Variants in ZBTB16 observed in about 807,000 individuals in gnomAD.
ZBTB16 encodes zinc finger and BTB domain containing 16.
Under a neutral mutation model 56.8 loss-of-function variants are expected in ZBTB16, and 8 were observed. The ratio of observed to expected loss-of-function variants is 0.14; its 90% CI spans 0.08 to 0.25. The LOEUF is 0.25. ZBTB16 is among the 10% of genes least tolerant of loss of function. The pLI is 1.00. For missense variants in ZBTB16, 625 were observed against 903.0 expected (o/e 0.69, Z 3.95); for synonymous variants, 363 against 368.5 (o/e 0.98, Z 0.17).
At chr11:114,084,277 C>T (rs1161421760) in intron 2 of ZBTB16, among the ~76,000 whole-genome samples, 1 of 152,094 alleles carries the variant, frequency 6.6e-6, no homozygotes, top group African/African-American at 2.4e-5. Context: ...TTGCTCCATG[C>T]CCACTGTAGG....
intron 4 of ZBTB16, among the ~76,000 whole-genome samples, chr11:114,238,656 C>T (rs542380867): frequency 1.3e-5 from 2 of 152,210 alleles, no homozygotes; most frequent in Admixed American, 1.3e-4. Context: ...ATCATAGCAA[C>T]CCTCGGTCCT....
intron 5 of ZBTB16, among the ~76,000 whole-genome samples, chr11:114,245,442 A>G (rs1191562662): frequency 6.6e-6 from 1 of 152,168 alleles, no homozygotes; most frequent in Admixed American, 6.5e-5. Context: ...TCCACCCATG[A>G]GAAAGTCACT....
intron 4 of ZBTB16, among the ~76,000 whole-genome samples, chr11:114,194,345 A>G (rs568153157): frequency 9.2e-5 from 14 of 152,278 alleles, no homozygotes; most frequent in African/African-American, 3.4e-4. Flanking sequence ...GCATGTTCAC[A>G]TCTCACCCTT....
chr11:114,194,994 G>T (rs948986813), intron 4 of ZBTB16, among the ~76,000 whole-genome samples: 5 of 152,206 alleles, frequency 3.3e-5, no homozygotes, highest in African/African-American at 1.2e-4. Context: ...CATGTCATTT[G>T]ATCTGGAAAC....
chr11:114,254,166 A>G lies in ZBTB16; in HGVS notation c.*3611A>G, dbSNP rs1565713003. ...ATCCTATGTATATATAGGATAGACA[A>G]ATATATAGATATATAGATATATATA... On this transcript the variant is annotated 3_prime_UTR_variant, in exon 7 of 7. Coordinates refer to ENST00000335953, the MANE Select transcript of ZBTB16 (RefSeq NM_006006.6). Among the ~76,000 whole-genome samples the G allele has an allele frequency of 6.6e-6, 1 of 151,468 alleles. No individual in the cohort carries two copies. The highest frequency in any genetic ancestry group is 6.6e-5 in the Admixed American group (1 of 15,180).
intron 4 of ZBTB16, among the ~76,000 whole-genome samples, chr11:114,241,241 A>AC (rs951393800): frequency 1.4e-3 from 212 of 152,078 alleles, no homozygotes; most frequent in African/African-American, 4.7e-3. Flanking sequence ...GTTAAAAAAA[A>AC]AAAACAAAAC....
rs2137775606 is a variant in ZBTB16, at chr11:114,109,671, G to C, written c.1268+45103G>C. 1.3e-5 allele frequency among the ~76,000 whole-genome samples: 2 copies of C among 151,998 alleles called. 1 individual carries two copies. Among genetic ancestry groups the C allele is most frequent in the South Asian group, 4.2e-4 (2 of 4,792 alleles). On this transcript the variant is annotated intron_variant, in intron 2 of 6. Coordinates refer to ENST00000335953, the MANE Select transcript of ZBTB16 (RefSeq NM_006006.6). ...GAGGGATGAGCAACTTGGGGGTGGG[G>C]GAGATAGGAAAGGAAGAGTTGGGGG... is the stretch of plus-strand genomic sequence containing the variant.
intron 2 of ZBTB16, among the ~76,000 whole-genome samples, chr11:114,154,760 G>A (rs1225249269): frequency 1.3e-5 from 2 of 152,160 alleles, no homozygotes; most frequent in Non-Finnish European, 2.9e-5. Flanking sequence ...GTTTGTGATT[G>A]AGAAATCATT....
At chr11:114,089,402 A>T (rs1022674532) in intron 2 of ZBTB16, among the ~76,000 whole-genome samples, 1 of 152,152 alleles carries the variant, frequency 6.6e-6, no homozygotes, top group Admixed American at 6.5e-5. Flanking sequence ...TTGATTTTTC[A>T]TGCCATTTTC....
rs1390134595 is a variant in ZBTB16 at position 114,063,949 on chromosome 11, A to G, written c.649A>G (p.Thr217Ala). Residue 217 changes from threonine to alanine, a missense_variant, in exon 2 of 7, where the codon ACT (threonine) becomes GCT (alanine). Physicochemically the swap from Thr to Ala is moderately conservative, Grantham distance 58 (BLOSUM62 0). This residue lies in a region of ZBTB16 where 384 missense variants were observed against 393.5 expected (regional missense o/e 0.98). Coordinates refer to ENST00000335953, the MANE Select transcript of ZBTB16 (RefSeq NM_006006.6). The surrounding 1 kb of genome is among the most constrained non-coding windows in gnomAD (Gnocchi z 6.5). ...MTIGQSLLQG[T>A]LQPPAGPEEP... ...CATAGGACAGTCTCTCCTGCAGGGA[A>G]CTCTTCAGCCACCTGCAGGGCCCGA... is the stretch of plus-strand genomic sequence containing the variant. 1.2e-6 allele frequency: 2 copies of G among 1,613,546 alleles called. No individual in the cohort carries two copies. The highest frequency in any genetic ancestry group is 2.7e-5 in the African/African-American group (2 of 74,872).
Position 114,181,777 on chromosome 11 carries a change from G to A in ZBTB16, c.1367-5175G>A, listed in dbSNP as rs184202544. Among the ~76,000 whole-genome samples, 34 of 152,222 alleles carry A rather than the reference G, an allele frequency of 2.2e-4. 1 individual carries two copies. The East Asian group carries it at 6.6e-3, about 29-fold the overall frequency. ...TTGCTGTGGTTAGCAAGGGTCTAGC[G>A]CACTTTATCTTCTGCTATTCTCCCT... is the stretch of plus-strand genomic sequence containing the variant. On this transcript the variant is annotated intron_variant, in intron 3 of 6. Coordinates refer to ENST00000335953, the MANE Select transcript of ZBTB16 (RefSeq NM_006006.6).
chr11:114,216,120 C>T (rs1944088675), intron 4 of ZBTB16, among the ~76,000 whole-genome samples: 1 of 152,206 alleles, frequency 6.6e-6, no homozygotes, highest in East Asian at 1.9e-4. Context: ...TTCCATGGGG[C>T]TGTTGAGCTG....
chr11:114,133,632 G>A (rs1211235872), intron 2 of ZBTB16, among the ~76,000 whole-genome samples: 1 of 152,112 alleles, frequency 6.6e-6, no homozygotes, highest in Admixed American at 6.5e-5. Flanking sequence ...GTGACCCCAC[G>A]CATAAGGCAG....
intron 4 of ZBTB16, among the ~76,000 whole-genome samples, chr11:114,201,524 T>C (rs1295217393): frequency 6.6e-6 from 1 of 152,232 alleles, no homozygotes; most frequent in Non-Finnish European, 1.5e-5. Context: ...TTGGCCTTTA[T>C]GTACCAAAGT....
intron 4 of ZBTB16, among the ~76,000 whole-genome samples, chr11:114,231,199 A>G (rs1359087738): frequency 6.6e-6 from 1 of 151,562 alleles, no homozygotes; most frequent in Non-Finnish European, 1.5e-5. Context: ...TCACGTGGAA[A>G]CTCCGTGCCT....
At chr11:114,102,573 C>T (rs79188258) in intron 2 of ZBTB16, among the ~76,000 whole-genome samples, 1,847 of 150,430 alleles carry the variant, frequency 0.012, 37 homozygotes, top group African/African-American at 0.043. Flanking sequence ...CCTGCCCTTC[C>T]GCATTTTCTG....
At chr11:114,136,859 G>T (rs913393539) in intron 2 of ZBTB16, among the ~76,000 whole-genome samples, 9 of 152,290 alleles carry the variant, frequency 5.9e-5, no homozygotes, top group African/African-American at 2.2e-4. Context: ...ACCTCGTGCT[G>T]TCTCTGGGGT....
intron 6 of ZBTB16, among the ~76,000 whole-genome samples, chr11:114,249,265 C>T (rs112290453): frequency 0.14 from 21,411 of 151,268 alleles, 1,645 homozygotes; most frequent in African/African-American, 0.18. Context: ...TCAAGTCCAG[C>T]CCGGCCAACA....
At chr11:114,212,591 C>T (rs73566044) in intron 4 of ZBTB16, among the ~76,000 whole-genome samples, 8,318 of 152,250 alleles carry the variant, frequency 0.055, 342 homozygotes, top group African/African-American at 0.11. Flanking sequence ...TACACAGTTG[C>T]GGAGTCAGGC....
Sources: gnomAD v4.1 joint callset for allele counts (sites outside exome capture counted in the v4.1 genomes callset) on GRCh38, gnomAD v4.1.1 for gene constraint, gnomAD v4.1.1 regional missense constraint, Gnocchi (gnomAD v3.1) non-coding constraint, MANE v1.5 for transcripts, NCBI Gene and HGNC (gene_info 2026-07-23, HGNC 2026-07-21) for gene names.